NREP: variants seen among roughly 807,000 people sequenced by gnomAD.
NREP encodes neuronal regeneration related protein.
Under a neutral mutation model 8.6 loss-of-function variants are expected in NREP, and 5 were observed. That is an observed-to-expected ratio of 0.58 (90% CI 0.30 to 1.22). The LOEUF is 1.22. Ranked by LOEUF, NREP falls within the 50% of genes most tolerant of loss-of-function variation. The pLI, the probability that NREP is intolerant of heterozygous loss-of-function variation, is 0.07. For synonymous variants in NREP, 27 were observed against 28.0 expected (o/e 0.96, Z 0.11); for missense variants, 86 against 82.5 (o/e 1.04, Z -0.17).
At chr5:111,813,575 TCA>T (rs1439517965) in intron 2 of NREP, among the ~76,000 whole-genome samples, 2 of 152,272 alleles carry the variant, frequency 1.3e-5, no homozygotes, top group South Asian at 2.1e-4. Flanking sequence ...TGAGGATATT[TCA>T]CAGTCTTCAA....
intron 2 of NREP, among the ~76,000 whole-genome samples, chr5:111,794,995 T>TAA (rs71982267): frequency 4.6e-5 from 6 of 130,388 alleles, no homozygotes; most frequent in Non-Finnish European, 8.3e-5. Context: ...AAAGCTGCTC[T>TAA]AAAAAAAAAA....
In NREP at chr5:111,913,932, C is replaced by T. The variant is rs148612213; in HGVS notation, c.135+61342G>A. On this transcript the variant is annotated intron_variant, in intron 2 of 3. Transcript: ENST00000395634. ...ACAGATTTACTTTAAAAACTAAAAG[C>T]ATGCCAAGCTTGATTTAGGGAATAA... Among the ~76,000 whole-genome samples the T allele has an allele frequency of 1.5e-4, 23 of 152,226 alleles. 1 individual carries two copies. In the East Asian group the frequency reaches 4.1e-3, roughly 27 times the overall value.
At chr5:111,785,755 A>G (rs1561665713) in intron 2 of NREP, among the ~76,000 whole-genome samples, 1 of 152,170 alleles carries the variant, frequency 6.6e-6, no homozygotes, top group South Asian at 2.1e-4. Flanking sequence ...ATTGGGGGAA[A>G]TATCAATTAT....
chr5:111,969,056 A>G (rs1453175275), intron 2 of NREP, among the ~76,000 whole-genome samples: 1 of 152,262 alleles, frequency 6.6e-6, no homozygotes, highest in Non-Finnish European at 1.5e-5. Context: ...TGGTCAAGTT[A>G]GAGAAATATG....
intron 2 of NREP, among the ~76,000 whole-genome samples, chr5:111,868,269 T>A (rs1753712801): frequency 6.6e-6 from 1 of 152,188 alleles, no homozygotes; most frequent in African/African-American, 2.4e-5. Context: ...TAGCATGCTC[T>A]CATACACCCT....
At chr5:111,975,417 C>G (rs760649493) in intron 1 of NREP, 3 of 1,421,620 alleles carry the variant, frequency 2.1e-6, no homozygotes, top group Non-Finnish European at 2.9e-6. Flanking sequence ...TGAGCACTGA[C>G]CCCCCTGAGT....
At chr5:111,875,984 T>A (rs998255104) in intron 2 of NREP, among the ~76,000 whole-genome samples, 50 of 152,296 alleles carry the variant, frequency 3.3e-4, no homozygotes, top group African/African-American at 1.2e-3. Flanking sequence ...CTGATCTACA[T>A]AGAGCACAAA....
Position 111,873,179 on chromosome 5 carries a change from G to C in NREP, c.135+102095C>G, listed in dbSNP as rs1310180266. Among the ~76,000 whole-genome samples the C allele has an allele frequency of 4.8e-4, 73 of 152,238 alleles. 1 individual carries two copies. The highest frequency in any genetic ancestry group is 2.4e-4 in the Non-Finnish European group (16 of 68,022). ...TGCACATCTTAAATATCCATTAAAG[G>C]ATGCTATTATTATTTTTCATCTGCA... On this transcript the variant is annotated intron_variant, in intron 2 of 3. Transcript: ENST00000395634.
At chr5:111,744,049 A>G (rs114688499) in intron 2 of NREP, among the ~76,000 whole-genome samples, 276 of 152,242 alleles carry the variant, frequency 1.8e-3, no homozygotes, top group African/African-American at 6.4e-3. Flanking sequence ...GGTGGATGAG[A>G]TAGTTAGTTG....
At chr5:111,766,313 A>G (rs949656152) in intron 2 of NREP, among the ~76,000 whole-genome samples, 1 of 152,202 alleles carries the variant, frequency 6.6e-6, no homozygotes, top group Non-Finnish European at 1.5e-5. Flanking sequence ...TCATATTAAA[A>G]GTTGATATCA....
intron 2 of NREP, among the ~76,000 whole-genome samples, chr5:111,746,029 A>G (rs1749980902): frequency 6.6e-6 from 1 of 152,180 alleles, no homozygotes; most frequent in Admixed American, 6.6e-5. Context: ...ACTGTATTCA[A>G]TCACAGTCAA....
At chr5:111,847,791 A>T (rs570950720) in intron 2 of NREP, among the ~76,000 whole-genome samples, 1 of 152,336 alleles carries the variant, frequency 6.6e-6, no homozygotes, top group East Asian at 1.9e-4. Context: ...GATACAAGAC[A>T]CACAGTTAAC....
Position 111,730,858 on chromosome 5 carries a change from A to C in NREP, c.*63T>G, listed in dbSNP as rs1748481384. On this transcript the variant is annotated 3_prime_UTR_variant, in exon 4 of 4. Coordinates refer to ENST00000257435, the MANE Select transcript of NREP (RefSeq NM_004772.4). ...TGATTTACACAGAAAAAAATCCCAT[A>C]TATGATACCATGACCTCATCAATAC... 1.3e-6 allele frequency: 2 copies of C among 1,561,596 alleles called. No homozygotes were observed. Among genetic ancestry groups the C allele is most frequent in the Non-Finnish European group, 1.7e-6 (2 of 1,143,534 alleles).
At chr5:111,819,987 G>C (rs186309659) in intron 2 of NREP, among the ~76,000 whole-genome samples, 1 of 152,230 alleles carries the variant, frequency 6.6e-6, no homozygotes, top group Admixed American at 6.5e-5. Context: ...TACTGACAAA[G>C]ACTCTCTCCT....
Position 111,796,150 on chromosome 5 carries a change from C to T in NREP, c.136-60643G>A, listed in dbSNP as rs114224791. Among the ~76,000 whole-genome samples the T allele has an allele frequency of 5.9e-3, 904 of 152,284 alleles. 14 individuals are homozygous for T. Among genetic ancestry groups the T allele is most frequent in the African/African-American group, 0.021 (864 of 41,572 alleles). On this transcript the variant is annotated intron_variant, in intron 2 of 3. Transcript: ENST00000395634. ...TTTTTTAGCTTCTAAAAGTCAACTGCATTACTTGGCTGGTGACTCCTTCCT... is the reference window on the plus strand; with the variant it reads ...TTTTTTAGCTTCTAAAAGTCAACTGTATTACTTGGCTGGTGACTCCTTCCT...
chr5:111,941,862 T>C (rs1273773160), intron 2 of NREP, among the ~76,000 whole-genome samples: 1 of 152,086 alleles, frequency 6.6e-6, no homozygotes, highest in East Asian at 1.9e-4. Context: ...GATTCTAGCT[T>C]ATTTACAACT....
chr5:111,768,773 C>T (rs1337057071), intron 2 of NREP, among the ~76,000 whole-genome samples: 2 of 152,092 alleles, frequency 1.3e-5, no homozygotes, highest in African/African-American at 2.4e-5. Flanking sequence ...TTGATGGGCA[C>T]GTAGGTTGAG....
chr5:111,961,631 T>A (rs1756482804), intron 2 of NREP, among the ~76,000 whole-genome samples: 1 of 152,200 alleles, frequency 6.6e-6, no homozygotes, highest in Admixed American at 6.5e-5. Context: ...TTGCTTTTAT[T>A]TACTCTACAT....
At chr5:111,952,772 A>G (rs1756196968) in intron 2 of NREP, among the ~76,000 whole-genome samples, 1 of 152,122 alleles carries the variant, frequency 6.6e-6, no homozygotes, top group African/African-American at 2.4e-5. Flanking sequence ...CTTGATTGTT[A>G]TTGTCCTGTA....
Sources: gnomAD v4.1 joint callset for allele counts (sites outside exome capture counted in the v4.1 genomes callset) on GRCh38, gnomAD v4.1.1 for gene constraint, MANE v1.5 for transcripts, NCBI Gene and HGNC (gene_info 2026-07-23, HGNC 2026-07-21) for gene names.